The following CACNA1A variants were observed in gnomAD, a reference collection of about 807,000 sequenced individuals.
CACNA1A encodes the protein voltage-dependent P/Q-type calcium channel subunit alpha-1A.
Under a neutral mutation model 262.4 loss-of-function variants are expected in CACNA1A, and 57 were observed. The ratio of observed to expected loss-of-function variants is 0.22; its 90% CI spans 0.18 to 0.27. The LOEUF (loss-of-function observed/expected upper bound fraction) is 0.27. Ranked by LOEUF, CACNA1A falls within the 10% of genes least tolerant of loss-of-function variation. The pLI, the probability that CACNA1A is intolerant of heterozygous loss-of-function variation, is 1.00. For missense variants in CACNA1A, 2,526 were observed against 3,562.8 expected (o/e 0.71, Z 7.41); for synonymous variants, 1,431 against 1,419.3 (o/e 1.01, Z -0.18).
At chr19:13,288,549 T>C (rs545623027) in intron 19 of CACNA1A, among the ~76,000 whole-genome samples, 1 of 152,210 alleles carries the variant, frequency 6.6e-6, no homozygotes, top group South Asian at 2.1e-4. Context: ...AGAGCCACCG[T>C]GCCTGGCCAG....
chr19:13,245,872 A>G (rs1473204056), intron 30 of CACNA1A, among the ~76,000 whole-genome samples: 1 of 151,974 alleles, frequency 6.6e-6, no homozygotes, highest in Non-Finnish European at 1.5e-5. Context: ...GGGTTTCACC[A>G]TGTTGGTCAG....
At chr19:13,378,669 TA>T (rs1318454174) in intron 3 of CACNA1A, among the ~76,000 whole-genome samples, 27 of 151,234 alleles carry the variant, frequency 1.8e-4, no homozygotes, top group East Asian at 9.7e-4. Flanking sequence ...TTTATTTATT[TA>T]TTTATTTTTT....
chr19:13,399,434 GA>G (rs79173387), intron 3 of CACNA1A, among the ~76,000 whole-genome samples: 8,821 of 138,996 alleles, frequency 0.063, 573 homozygotes, highest in African/African-American at 0.16. Context: ...GAGAGAAAAG[GA>G]AAAAAAAAAA....
At chr19:13,453,740 A>G (rs933173075) in intron 2 of CACNA1A, among the ~76,000 whole-genome samples, 1 of 152,132 alleles carries the variant, frequency 6.6e-6, no homozygotes, top group Non-Finnish European at 1.5e-5. Flanking sequence ...CAGAGCCCCA[A>G]TGTGAATGTT....
chr19:13,241,657 T>TGGG lies in CACNA1A; in HGVS notation c.4950+3522_4950+3524dup. On this transcript the variant is annotated intron_variant, in intron 31 of 46. Transcript: ENST00000360228. This position sits in a 1 kb window ranked among gnomAD's most constrained non-coding sequence, Gnocchi z 4.0. ...TGGGTTTCGGTTCCCGGGCGGGGAG[T>TGGG]GGGGGTGGTGGTGGCGGTGGGTTGG... 2.3e-6 allele frequency: 1 copy of TGGG among 432,236 alleles called. No homozygotes were observed. Among genetic ancestry groups the TGGG allele is most frequent in the Non-Finnish European group, 4.5e-6 (1 of 220,696 alleles). The allele number at this position is 432,236 out of a possible 1,614,324, so 26.8% of individuals were successfully genotyped here.
chr19:13,503,982 G>A lies in CACNA1A; in HGVS notation c.293+1950C>T, dbSNP rs557871007. Among the ~76,000 whole-genome samples, 3 of 152,136 alleles carry A rather than the reference G, an allele frequency of 2.0e-5. No homozygotes were observed. The South Asian group carries it at 6.3e-4, about 32-fold the overall frequency. On this transcript the variant is annotated intron_variant, in intron 1 of 46. Coordinates refer to ENST00000360228, the MANE Select transcript of CACNA1A (RefSeq NM_001127222.2). ...CCTCCAATCTGCAGGATTCAGGCTG[G>A]ACAGAGGTAAGCTAAGGACACAGCA... is the stretch of plus-strand genomic sequence containing the variant.
At chr19:13,309,891 T>C (rs1377707901) in intron 12 of CACNA1A, among the ~76,000 whole-genome samples, 1 of 152,084 alleles carries the variant, frequency 6.6e-6, no homozygotes, top group Admixed American at 6.6e-5. Flanking sequence ...ACATGCACAA[T>C]ATTCTGCAAC....
At chr19:13,267,631 C>T (rs2056894466) in intron 24 of CACNA1A, among the ~76,000 whole-genome samples, 2 of 152,086 alleles carry the variant, frequency 1.3e-5, no homozygotes, top group African/African-American at 4.8e-5. Flanking sequence ...GACTCTGCCT[C>T]TCGTTATCCT....
At chr19:13,411,012 G>A (rs546988167) in intron 3 of CACNA1A, among the ~76,000 whole-genome samples, 48 of 152,218 alleles carry the variant, frequency 3.2e-4, no homozygotes, top group African/African-American at 1.1e-3. Flanking sequence ...AGCCTCCACA[G>A]GAGGCTGACT....
At chr19:13,423,253 C>T (rs574190383) in intron 3 of CACNA1A, among the ~76,000 whole-genome samples, 2 of 152,296 alleles carry the variant, frequency 1.3e-5, no homozygotes, top group East Asian at 3.9e-4. Context: ...GTCTAGAGGG[C>T]AAGGCAGAAA....
At chr19:13,419,355 A>G (rs2037573936) in intron 3 of CACNA1A, among the ~76,000 whole-genome samples, 1 of 152,192 alleles carries the variant, frequency 6.6e-6, no homozygotes, top group African/African-American at 2.4e-5. Flanking sequence ...CACAATGACA[A>G]AATCGCCTAT....
At position 13,330,262 on chromosome 19, in the gene CACNA1A, C is replaced by G; in HGVS notation, c.1327G>C (p.Ala443Pro). Residue 443 changes from alanine (A) to proline (P), a missense_variant, in exon 10 of 47, where the codon GCT becomes CCT. Coordinates refer to ENST00000360228, the MANE Select transcript of CACNA1A (RefSeq NM_001127222.2). Reference protein sequence around the residue: ...LNPEEAEDQLADIASVGSPFA... With the variant: ...LNPEEAEDQLPDIASVGSPFA... ...GACTCACCCACAGAGGCTATATCAG[C>G]CAGCTGATCCTCAGCCTCTTCGGGG... The G allele has an allele frequency of 6.4e-6, 10 of 1,558,714 alleles. No homozygotes were observed. Among genetic ancestry groups the G allele is most frequent in the Non-Finnish European group, 7.8e-6 (9 of 1,150,418 alleles).
In CACNA1A at chr19:13,209,440, C is replaced by G. The variant is rs779044548; in HGVS notation, c.6398G>C (p.Arg2133Pro). 1.5e-6 allele frequency: 2 copies of G among 1,378,946 alleles called. No homozygotes were observed. The highest frequency in any genetic ancestry group is 1.9e-5 in the South Asian group (1 of 52,234). 85.4% of individuals were successfully genotyped at this position (1,378,946 alleles called of 1,614,324 possible). A position where few individuals can be genotyped will look rare whatever the true frequency, so the allele number is the denominator to read the frequency against. Reference sequence around the variant, plus strand: ...CTCCAGCGAGTAATCGTCCAGGCGTCGGGCCTTGGGGCCCAGCACGGAGGC... The same window carrying G: ...CTCCAGCGAGTAATCGTCCAGGCGTGGGGCCTTGGGGCCCAGCACGGAGGC... Reference protein sequence around the residue: ...RSASVLGPKARRLDDYSLERV... With the variant: ...RSASVLGPKAPRLDDYSLERV... Residue 2133 changes from arginine (R) to proline (P), a missense_variant, in exon 45 of 47, where the codon CGA (arginine) becomes CCA (proline). Physicochemically the swap from Arg to Pro is moderately radical, Grantham distance 103. This residue lies in a region of CACNA1A where 929 missense variants were observed against 868.1 expected (regional missense o/e 1.07). Transcript: ENST00000360228.
chr19:13,283,527 T>G (rs991529904), intron 21 of CACNA1A, 131 bp from the exon 22 acceptor site: 2 of 1,197,784 alleles, frequency 1.7e-6, no homozygotes, highest in Non-Finnish European at 2.3e-6. Context: ...CAACAAACTA[T>G]TAAACTCCTC....
chr19:13,232,481 C>T (rs2055700963), intron 34 of CACNA1A, among the ~76,000 whole-genome samples: 1 of 152,072 alleles, frequency 6.6e-6, no homozygotes, highest in African/African-American at 2.4e-5. Flanking sequence ...CCTGTAATCC[C>T]AGCACTTTGG....
At chr19:13,277,291 C>A in intron 22 of CACNA1A, 163 bp from the exon 23 acceptor site, 1 of 564,356 alleles carries the variant, frequency 1.8e-6, no homozygotes, top group Admixed American at 3.1e-5. Context: ...AGGGCCCCTC[C>A]CATCTCTTTT....
At chr19:13,300,427 G>A (rs148453497) in intron 18 of CACNA1A, 123 bp downstream of exon 18, 28 of 701,658 alleles carry the variant, frequency 4.0e-5, no homozygotes, top group Non-Finnish European at 5.4e-5. Context: ...GGAAGGACAA[G>A]AAGTGTCTCT....
At chr19:13,278,698 G>A (rs546287368) in intron 22 of CACNA1A, among the ~76,000 whole-genome samples, 1 of 152,288 alleles carries the variant, frequency 6.6e-6, no homozygotes, top group Admixed American at 6.5e-5. Context: ...TATAATACAG[G>A]GTCAGGAATA....
chr19:13,242,324 C>T (rs2056102195), intron 31 of CACNA1A, among the ~76,000 whole-genome samples: 1 of 152,156 alleles, frequency 6.6e-6, no homozygotes, highest in South Asian at 2.1e-4. Flanking sequence ...GACAGAGTTT[C>T]ACTCTGTCGC....
Sources: gnomAD v4.1 joint callset for allele counts (sites outside exome capture counted in the v4.1 genomes callset) on GRCh38, gnomAD v4.1.1 for gene constraint, gnomAD v4.1.1 regional missense constraint, Gnocchi (gnomAD v3.1) non-coding constraint, MANE v1.5 for transcripts, NCBI Gene and HGNC (gene_info 2026-07-23, HGNC 2026-07-21) for gene names.